Variants in CA4 observed in about 807,000 individuals in gnomAD.
The protein encoded by CA4 is CA-IV.
In CA4, 24 loss-of-function variants were observed where a neutral mutation model predicts 34.5. That is an observed-to-expected ratio of 0.70 (90% CI 0.50 to 0.98). CA4 has a LOEUF of 0.98. CA4 is among the 50% of genes least tolerant of loss of function. The pLI is 0.00. For synonymous variants in CA4, 178 were observed against 170.6 expected (o/e 1.04, Z -0.34); for missense variants, 394 against 396.7 (o/e 0.99, Z 0.06).
intron 2 of CA4, 123 bp from the exon 3 acceptor site, chr17:60,156,437 C>T: frequency 1.0e-6 from 1 of 971,584 alleles, no homozygotes; most frequent in Non-Finnish European, 1.7e-6. Flanking sequence ...GCACAGCCTT[C>T]AGGCCACCCC....
At chr17:60,167,313 C>G (rs1336410800) in intron 5 of CA4, among the ~76,000 whole-genome samples, 2 of 152,190 alleles carry the variant, frequency 1.3e-5, no homozygotes, top group Non-Finnish European at 2.9e-5. Flanking sequence ...AGCGCTCTCC[C>G]CCACCACTCC....
At chr17:60,150,533 C>G (rs183870064) in intron 1 of CA4, among the ~76,000 whole-genome samples, 250 of 151,660 alleles carry the variant, frequency 1.6e-3, no homozygotes, top group African/African-American at 5.1e-3. Flanking sequence ...ATTAGCCGGA[C>G]GTGGTGGCAC....
intron 1 of CA4, among the ~76,000 whole-genome samples, chr17:60,153,511 CACCACTGT>C (rs900697820): frequency 3.3e-5 from 5 of 152,180 alleles, no homozygotes; most frequent in Non-Finnish European, 5.9e-5. Flanking sequence ...GCTGTCCTTT[CACCACTGT>C]ACTTTCTTAA....
At chr17:60,175,816 T>C (rs1210793999), downstream of CA4, among the ~76,000 whole-genome samples, 1 of 148,316 alleles carries the variant, frequency 6.7e-6, no homozygotes, top group South Asian at 2.1e-4. Context: ...TTTCATTTTA[T>C]ACATTTTTTT....
downstream of CA4, among the ~76,000 whole-genome samples, chr17:60,173,347 T>C (rs1482620427): frequency 2.0e-5 from 3 of 152,240 alleles, no homozygotes; most frequent in Non-Finnish European, 2.9e-5. Flanking sequence ...ATGTTCCTCA[T>C]GCACCTTCCA....
chr17:60,155,646 ACACACT>A (rs767088973), intron 2 of CA4, among the ~76,000 whole-genome samples: 113 of 151,690 alleles, frequency 7.4e-4, no homozygotes, highest in African/African-American at 2.1e-3. Flanking sequence ...ACATGCACAC[ACACACT>A]CACACTCACA....
In CA4 at chr17:60,157,589, G is replaced by A. The variant is rs372850431; in HGVS notation, c.414+17G>A. On this transcript the variant is annotated intron_variant, in intron 4 of 7. Transcript: ENST00000300900. Reference sequence around the variant, plus strand: ...GCCATGGAGGTGAGGGCCCCTTCCCGACTGGGACCTTGTCTGGGCTCTGGG... The same window carrying A: ...GCCATGGAGGTGAGGGCCCCTTCCCAACTGGGACCTTGTCTGGGCTCTGGG... 5.3e-5 allele frequency: 86 copies of A among 1,613,976 alleles called. No homozygotes were observed. The highest frequency in any genetic ancestry group is 1.1e-4 in the South Asian group (10 of 91,060).
intron 5 of CA4, among the ~76,000 whole-genome samples, chr17:60,166,268 C>T (rs1036036939): frequency 5.3e-5 from 8 of 152,190 alleles, no homozygotes; most frequent in East Asian, 3.8e-4. Flanking sequence ...GCCACCATGC[C>T]GGGCTAACTT....
chr17:60,176,795 G>T, the CA4 span, among the ~76,000 whole-genome samples: 1 of 152,116 alleles, frequency 6.6e-6, no homozygotes, highest in African/African-American at 2.4e-5. Flanking sequence ...CTGGGGGATG[G>T]GGGGAGTGGT....
chr17:60,173,043 T>C (rs934671020), downstream of CA4, among the ~76,000 whole-genome samples: 1 of 151,954 alleles, frequency 6.6e-6, no homozygotes, highest in Non-Finnish European at 1.5e-5. Flanking sequence ...CTCAGGAGGC[T>C]GAGGCAGGAG....
downstream of CA4, among the ~76,000 whole-genome samples, chr17:60,163,876 A>G (rs1265809897): frequency 6.6e-6 from 1 of 152,120 alleles, no homozygotes; most frequent in Admixed American, 6.5e-5. Flanking sequence ...CACACCTGTA[A>G]TCCCAGCACT....
chr17:60,152,004 G>T (rs1344752613), intron 1 of CA4, among the ~76,000 whole-genome samples: 1 of 152,090 alleles, frequency 6.6e-6, no homozygotes, highest in Non-Finnish European at 1.5e-5. Flanking sequence ...AGGGGGAGGT[G>T]GGGTGAGCAA....
downstream of CA4, among the ~76,000 whole-genome samples, chr17:60,172,222 A>G (rs73320967): frequency 4.4e-4 from 67 of 152,270 alleles, no homozygotes; most frequent in African/African-American, 1.5e-3. Flanking sequence ...CTTATCCCCA[A>G]GGTCCTTGGA....
rs1240335075 is a variant in CA4, at chr17:60,156,795, G to A, written c.268+80G>A. The stretch of plus-strand genomic sequence containing the variant: ...GAGAGGATGGGGCTCCTCCCAGGAG[G>A]GTGTGCCAGACCCAGGCCCATCTGT... On this transcript the variant is annotated intron_variant, in intron 3 of 7. Coordinates refer to ENST00000300900, the MANE Select transcript of CA4 (RefSeq NM_000717.5). 19 of 1,337,402 alleles carry A rather than the reference G, an allele frequency of 1.4e-5. No homozygotes were observed. The East Asian group carries it at 2.1e-4, about 15-fold the overall frequency. The allele number at this position is 1,337,402 out of a possible 1,614,324, so 82.8% of individuals were successfully genotyped here.
intron 2 of CA4, 46 bp downstream of exon 2, chr17:60,155,413 A>C (rs916143542): frequency 9.2e-6 from 14 of 1,525,054 alleles, no homozygotes; most frequent in Non-Finnish European, 1.1e-5. Flanking sequence ...CATGGTGGGC[A>C]CCACGCAAGC....
At chr17:60,166,632 G>A (rs1050160753) in intron 5 of CA4, among the ~76,000 whole-genome samples, 3 of 152,182 alleles carry the variant, frequency 2.0e-5, no homozygotes, top group African/African-American at 4.8e-5. Flanking sequence ...ATGAGGAAAC[G>A]AAATACACAG....
chr17:60,177,860 TGGAA>T, the CA4 span, among the ~76,000 whole-genome samples: 1 of 152,168 alleles, frequency 6.6e-6, no homozygotes, highest in African/African-American at 2.4e-5. Context: ...GAAAGGGTAG[TGGAA>T]TCTGACAATT....
At position 60,150,174 on chromosome 17, in the gene CA4, C is replaced by T. The variant is rs377634929; in HGVS notation, c.58+82C>T. Reference sequence around the variant, plus strand: ...GCTCCCGCCCCTGCAGAGGATCCCCCCGCGGGCGACCGGTGAGCGTCGGTG... The same window carrying T: ...GCTCCCGCCCCTGCAGAGGATCCCCTCGCGGGCGACCGGTGAGCGTCGGTG... On this transcript the variant is annotated intron_variant, in intron 1 of 7. Coordinates refer to ENST00000300900, the MANE Select transcript of CA4 (RefSeq NM_000717.5). 3.3e-5 allele frequency: 39 copies of T among 1,185,766 alleles called. No homozygotes were observed. The East Asian group carries it at 8.7e-4, about 27-fold the overall frequency. 73.5% of individuals were successfully genotyped at this position (1,185,766 alleles called of 1,614,324 possible).
intron 5 of CA4, among the ~76,000 whole-genome samples, chr17:60,165,107 T>C (rs886781706): frequency 6.6e-6 from 1 of 152,144 alleles, no homozygotes; most frequent in Non-Finnish European, 1.5e-5. Flanking sequence ...GAGAGGGCAA[T>C]GAAGGACAGG....
Sources: allele counts gnomAD v4.1 joint callset (sites outside exome capture counted in the v4.1 genomes callset), GRCh38; gene constraint gnomAD v4.1.1; transcripts MANE v1.5; gene names NCBI Gene and HGNC (gene_info 2026-07-23, HGNC 2026-07-21).